CLVS2: variants seen among roughly 807,000 people sequenced by gnomAD.
CLVS2 encodes the protein clavesin 2, also known as clavesin-2.
Under a neutral mutation model 29.0 loss-of-function variants are expected in CLVS2, and 19 were observed. The observed-to-expected ratio is 0.66, with a 90% CI of 0.46 to 0.96. CLVS2 has a LOEUF of 0.96. CLVS2 is among the 40% of genes least tolerant of loss of function. CLVS2 has a pLI of 0.00. For synonymous variants in CLVS2, 161 were observed against 151.3 expected (o/e 1.06, Z -0.47); for missense variants, 294 against 404.1 (o/e 0.73, Z 2.34).
At chr6:123,057,911 T>A (rs4321835) in intron 5 of CLVS2, among the ~76,000 whole-genome samples, 113,856 of 152,046 alleles carry the variant, frequency 0.75, 42,952 homozygotes, top group East Asian at 0.88. Context: ...TGTTAAGTGC[T>A]AAAAGTTGTA....
At chr6:123,004,502 A>G (rs1351172597) in intron 2 of CLVS2, among the ~76,000 whole-genome samples, 1 of 152,190 alleles carries the variant, frequency 6.6e-6, no homozygotes, top group Non-Finnish European at 1.5e-5. Flanking sequence ...TCTGAGTCCT[A>G]AGGATGTCTT....
rs1161863143 is a variant in CLVS2 at position 123,068,232 on chromosome 6, A to T, written c.*4471A>T. The T allele has an allele frequency of 1.3e-5, 2 of 151,682 alleles. No individual in the cohort carries two copies. The highest frequency in any genetic ancestry group is 4.8e-5 in the African/African-American group (2 of 41,414). The allele number at this position is 151,682 out of a possible 1,614,324, so 9.4% of individuals were successfully genotyped here. ...ACAAATGATGCTATTGAAATAAAAA[A>T]ATGTAGAAATCACTTAATTATAGGA... On this transcript the variant is annotated 3_prime_UTR_variant, in exon 6 of 6. Transcript: ENST00000275162.
intron 3 of CLVS2, among the ~76,000 whole-genome samples, chr6:123,043,567 A>G (rs1775264964): frequency 6.6e-6 from 1 of 152,214 alleles, no homozygotes; most frequent in Non-Finnish European, 1.5e-5. Context: ...TTAATTTTAA[A>G]TAAGTAAATT....
At chr6:123,033,143 T>C (rs1030034402) in intron 3 of CLVS2, among the ~76,000 whole-genome samples, 1 of 152,110 alleles carries the variant, frequency 6.6e-6, no homozygotes, top group Admixed American at 6.6e-5. Context: ...TTCATGAAGA[T>C]GAAAAATTAA....
intron 2 of CLVS2, among the ~76,000 whole-genome samples, chr6:123,003,094 A>T (rs1774614328): frequency 6.6e-6 from 1 of 152,220 alleles, no homozygotes; most frequent in South Asian, 2.1e-4. Flanking sequence ...TATGGTGATG[A>T]ATCTCTGCAA....
chr6:123,042,820 A>G (rs1425582077), intron 3 of CLVS2, among the ~76,000 whole-genome samples: 1 of 152,210 alleles, frequency 6.6e-6, no homozygotes, highest in African/African-American at 2.4e-5. Flanking sequence ...TTCAGGAATC[A>G]GAACCTTCTA....
intron 3 of CLVS2, among the ~76,000 whole-genome samples, chr6:123,017,932 A>G (rs1324166717): frequency 6.6e-6 from 1 of 152,098 alleles, no homozygotes; most frequent in East Asian, 1.9e-4. Flanking sequence ...CTCTAGGGTT[A>G]TTTAACATTT....
intron 4 of CLVS2, among the ~76,000 whole-genome samples, chr6:123,050,679 G>A (rs546094233): frequency 1.3e-5 from 2 of 152,100 alleles, no homozygotes; most frequent in African/African-American, 2.4e-5. Context: ...GATGGGATAG[G>A]GGGGACTGCT....
At position 122,997,488 on chromosome 6, in the gene CLVS2, T is replaced by G. The variant is rs1018570699; in HGVS notation, c.-290T>G. On this transcript the variant is annotated 5_prime_UTR_variant, in exon 2 of 6. Transcript: ENST00000275162. Reference sequence around the variant, plus strand: ...GGACAAGAAGAGGAGTGCGGAGCCCTTCAGGGGTTCACATCTCTTTAAAGG... The same window carrying G: ...GGACAAGAAGAGGAGTGCGGAGCCCGTCAGGGGTTCACATCTCTTTAAAGG... 4.4e-6 allele frequency: 2 copies of G among 449,982 alleles called. No individual in the cohort carries two copies. The highest frequency in any genetic ancestry group is 4.2e-5 in the East Asian group (1 of 24,022). 27.9% of individuals were successfully genotyped at this position (449,982 alleles called of 1,614,324 possible).
intron 3 of CLVS2, among the ~76,000 whole-genome samples, chr6:123,023,127 T>C (rs1459761362): frequency 6.6e-6 from 1 of 152,064 alleles, no homozygotes; most frequent in African/African-American, 2.4e-5. Context: ...TAAACATCGT[T>C]TAGGAACCAT....
chr6:123,026,893 A>T (rs910184846), intron 3 of CLVS2, among the ~76,000 whole-genome samples: 3 of 152,230 alleles, frequency 2.0e-5, no homozygotes, highest in Non-Finnish European at 4.4e-5. Context: ...TCACACTTTT[A>T]AACAATATGC....
chr6:123,034,492 A>G (rs1334673341), intron 3 of CLVS2, among the ~76,000 whole-genome samples: 1 of 152,170 alleles, frequency 6.6e-6, no homozygotes, highest in Non-Finnish European at 1.5e-5. Context: ...TATCATGTAC[A>G]TAAAATTCTC....
intron 3 of CLVS2, among the ~76,000 whole-genome samples, chr6:123,016,147 T>C (rs992172167): frequency 1.3e-5 from 2 of 151,118 alleles, no homozygotes; most frequent in South Asian, 2.1e-4. Flanking sequence ...AAAATTGTCT[T>C]CCTACTTACA....
At chr6:123,008,550 G>T (rs1459540265) in intron 2 of CLVS2, among the ~76,000 whole-genome samples, 2 of 151,990 alleles carry the variant, frequency 1.3e-5, no homozygotes, top group Non-Finnish European at 2.9e-5. Context: ...TGCCATTTTG[G>T]TATTAATGCT....
intron 3 of CLVS2, among the ~76,000 whole-genome samples, chr6:123,024,887 A>T (rs1367396555): frequency 6.6e-6 from 1 of 152,088 alleles, no homozygotes; most frequent in Non-Finnish European, 1.5e-5. Context: ...TCCTAGGAGA[A>T]ATATAAATGG....
chr6:123,020,009 GCCTCTC>G (rs1733818488), intron 3 of CLVS2, among the ~76,000 whole-genome samples: 1 of 151,718 alleles, frequency 6.6e-6, no homozygotes, highest in Non-Finnish European at 1.5e-5. Flanking sequence ...ATTGGATGAA[GCCTCTC>G]CCCACTGGGG....
At chr6:123,040,311 T>C (rs1582658216) in intron 3 of CLVS2, among the ~76,000 whole-genome samples, 1 of 152,288 alleles carries the variant, frequency 6.6e-6, no homozygotes, top group East Asian at 1.9e-4. Flanking sequence ...TCTGGGTATA[T>C]GGCTGAAACT....
At chr6:123,056,486 A>G (rs1055193463) in intron 5 of CLVS2, among the ~76,000 whole-genome samples, 1 of 152,106 alleles carries the variant, frequency 6.6e-6, no homozygotes, top group African/African-American at 2.4e-5. Flanking sequence ...GTATTTTTCC[A>G]TCACATTGTA....
intron 2 of CLVS2, among the ~76,000 whole-genome samples, chr6:123,003,293 C>G (rs139344239): frequency 6.6e-6 from 1 of 152,160 alleles, no homozygotes; most frequent in Admixed American, 6.6e-5. Flanking sequence ...GAGGTTACTA[C>G]GGTGTCCTGA....
Sources: allele counts gnomAD v4.1 joint callset (sites outside exome capture counted in the v4.1 genomes callset), GRCh38; gene constraint gnomAD v4.1.1; transcripts MANE v1.5; gene names NCBI Gene and HGNC (gene_info 2026-07-23, HGNC 2026-07-21).